The following BCAS3 variants were observed in gnomAD, a reference collection of about 807,000 sequenced individuals.
BCAS3 encodes BCAS4/BCAS3 fusion.
Under a neutral mutation model 116.1 loss-of-function variants are expected in BCAS3, and 53 were observed. The ratio of observed to expected loss-of-function variants is 0.46; its 90% CI spans 0.37 to 0.57. The LOEUF is 0.57. Among genes scored for constraint, BCAS3 ranks in the 20% least tolerant of loss-of-function variants. The pLI, the probability that BCAS3 is intolerant of heterozygous loss-of-function variation, is 0.00. For synonymous variants in BCAS3, 391 were observed against 408.2 expected (o/e 0.96, Z 0.51); for missense variants, 917 against 1,165.4 (o/e 0.79, Z 3.10).
At position 61,216,349 on chromosome 17, in the gene BCAS3, T is replaced by C. The variant is rs368566635; in HGVS notation, c.2425+131785T>C. On this transcript the variant is annotated intron_variant, in intron 22 of 23. Coordinates refer to ENST00000407086, the MANE Select transcript of BCAS3 (RefSeq NM_017679.5). ...CATTTTGTCAGATTTTTCTTAAGTC[T>C]ACAAGGTACTGAAGGGGAAGCTTTT... Among the ~76,000 whole-genome samples, 8 of 152,248 alleles carry C rather than the reference T, an allele frequency of 5.3e-5. No homozygotes were observed. The East Asian group carries it at 1.5e-3, about 29-fold the overall frequency.
rs560547168 is a variant in BCAS3, at chr17:61,328,079, T to C, written c.2426-40248T>C. ...TGTTGTAACGGCAAAGGAAAAAAAA[T>C]GAAATAATTTAATTATTGGTCTGCA... On this transcript the variant is annotated intron_variant, in intron 22 of 23. Transcript: ENST00000407086. Among the ~76,000 whole-genome samples, 4 of 151,856 alleles carry C rather than the reference T, an allele frequency of 2.6e-5. No individual in the cohort carries two copies. In the East Asian group the frequency reaches 5.8e-4, roughly 22 times the overall value.
intron 22 of BCAS3, among the ~76,000 whole-genome samples, chr17:61,094,768 C>T (rs144903754): frequency 2.0e-5 from 3 of 152,006 alleles, no homozygotes; most frequent in Admixed American, 2.0e-4. Context: ...CGCTTGAACC[C>T]GGGAGGCAGA....
intron 10 of BCAS3, among the ~76,000 whole-genome samples, chr17:60,890,650 C>G (rs1028709494): frequency 6.6e-6 from 1 of 151,994 alleles, no homozygotes; most frequent in African/African-American, 2.4e-5. Flanking sequence ...AGGAATTTTA[C>G]TTATGTCTGA....
In BCAS3 at chr17:60,819,273, A is replaced by G. The variant is rs367991691; in HGVS notation, c.476+11197A>G. Among the ~76,000 whole-genome samples, 184 of 152,314 alleles carry G rather than the reference A, an allele frequency of 1.2e-3. 1 individual carries two copies. The South Asian group carries it at 0.015, about 13-fold the overall frequency. Reference sequence around the variant, plus strand: ...ACACACCTGACTGACACTTAATACAATTTTAAAACACATGCTGAACAAATC... The same window carrying G: ...ACACACCTGACTGACACTTAATACAGTTTTAAAACACATGCTGAACAAATC... On this transcript the variant is annotated intron_variant, in intron 7 of 23. Transcript: ENST00000407086.
rs9905761 is a variant in BCAS3, at chr17:61,161,898, T to G, written c.2425+77334T>G. On this transcript the variant is annotated intron_variant, in intron 22 of 23. Transcript: ENST00000407086. The surrounding 1 kb of genome is among the most constrained non-coding windows in gnomAD (Gnocchi z 4.8). ...CTGGACAAAGATGAGCAGCACGGAT[T>G]TGCTGCGATGGTCAGAATTCAATTA... Among the ~76,000 whole-genome samples the G allele has an allele frequency of 1.2e-4, 18 of 152,118 alleles. No individual in the cohort carries two copies. The highest frequency in any genetic ancestry group is 3.9e-4 in the African/African-American group (16 of 41,460).
chr17:61,240,377 A>C (rs2047405308), intron 22 of BCAS3, among the ~76,000 whole-genome samples: 1 of 152,192 alleles, frequency 6.6e-6, no homozygotes, highest in Non-Finnish European at 1.5e-5. Context: ...GGGGCCAAGC[A>C]CAGTGGGTCA....
chr17:61,339,744 C>A lies in BCAS3; in HGVS notation c.2426-28583C>A, dbSNP rs375531007. On this transcript the variant is annotated intron_variant, in intron 22 of 23. Transcript: ENST00000407086. The surrounding 1 kb of genome is among the most constrained non-coding windows in gnomAD (Gnocchi z 4.4). ...TCGCGCCACTGTACTCCAGTCGGGG[C>A]GACAAAGCGAGACCCCATCTAAAAA... Among the ~76,000 whole-genome samples the A allele has an allele frequency of 2.7e-5, 4 of 146,364 alleles. No individual in the cohort carries two copies. Among genetic ancestry groups the A allele is most frequent in the African/African-American group, 1.0e-4 (4 of 39,204 alleles).
chr17:60,891,743 TC>T (rs374017492), intron 10 of BCAS3: 34 of 455,986 alleles, frequency 7.5e-5, no homozygotes, highest in Non-Finnish European at 1.5e-4. Flanking sequence ...TTCTAGTGTA[TC>T]CATCATCCAG....
intron 22 of BCAS3, among the ~76,000 whole-genome samples, chr17:61,148,149 T>C (rs2077346901): frequency 6.6e-6 from 1 of 152,158 alleles, no homozygotes; most frequent in Non-Finnish European, 1.5e-5. Context: ...ACTGTGTGTG[T>C]GTGTAATTTA....
chr17:60,958,556 T>C (rs891471528), intron 14 of BCAS3, among the ~76,000 whole-genome samples: 4 of 152,196 alleles, frequency 2.6e-5, no homozygotes, highest in Non-Finnish European at 4.4e-5. Context: ...CCTAAATAAA[T>C]GGAGAATTAA....
chr17:61,001,796 C>T (rs1014681838), intron 15 of BCAS3, among the ~76,000 whole-genome samples: 5 of 152,166 alleles, frequency 3.3e-5, no homozygotes, highest in African/African-American at 1.2e-4. Context: ...TTTGTTTTCT[C>T]AAATTCTTTT....
chr17:60,869,244 T>G (rs1382169924), intron 8 of BCAS3, among the ~76,000 whole-genome samples: 1 of 152,232 alleles, frequency 6.6e-6, no homozygotes, highest in Non-Finnish European at 1.5e-5. Context: ...CTATGTGACC[T>G]CTACTGCTAA....
In BCAS3 at chr17:61,217,515, A is replaced by T. The variant is rs1229609392; in HGVS notation, c.2425+132951A>T. On this transcript the variant is annotated intron_variant, in intron 22 of 23. Coordinates refer to ENST00000407086, the MANE Select transcript of BCAS3 (RefSeq NM_017679.5). The surrounding 1 kb of genome is among the most constrained non-coding windows in gnomAD (Gnocchi z 5.2). ...TGTAAATTATAGGAAATCTTTCTTG[A>T]ACAAGATAAACAGGAACTAAGAGCA... Among the ~76,000 whole-genome samples, 2 of 152,170 alleles carry T rather than the reference A, an allele frequency of 1.3e-5. No individual in the cohort carries two copies. The highest frequency in any genetic ancestry group is 2.9e-5 in the Non-Finnish European group (2 of 68,040).
rs550132169 is a variant in BCAS3 at position 61,281,931 on chromosome 17, A to G, written c.2426-86396A>G. Among the ~76,000 whole-genome samples the G allele has an allele frequency of 3.3e-5, 5 of 152,270 alleles. No individual in the cohort carries two copies. Among genetic ancestry groups the G allele is most frequent in the Admixed American group, 3.3e-4 (5 of 15,286 alleles). On this transcript the variant is annotated intron_variant, in intron 22 of 23. Coordinates refer to ENST00000407086, the MANE Select transcript of BCAS3 (RefSeq NM_017679.5). This position sits in a 1 kb window ranked among gnomAD's most constrained non-coding sequence, Gnocchi z 4.2. The stretch of plus-strand genomic sequence containing the variant: ...TCCTTTTTACAAGACTGTTGTGCAC[A>G]TAATAGATGTTCAAGACTTTTTTCT...
At chr17:61,370,038 C>T (rs2058966008) in intron 23 of BCAS3, among the ~76,000 whole-genome samples, 1 of 152,200 alleles carries the variant, frequency 6.6e-6, no homozygotes, top group African/African-American at 2.4e-5. Context: ...ATCTCACTGT[C>T]ATCCGGCAAG....
In BCAS3 at chr17:60,975,094, C is replaced by T. The variant is rs573566507; in HGVS notation, c.1222-14877C>T. Among the ~76,000 whole-genome samples the T allele has an allele frequency of 2.0e-3, 301 of 151,342 alleles. 2 individuals are homozygous for T. Among genetic ancestry groups the T allele is most frequent in the African/African-American group, 6.9e-3 (282 of 41,102 alleles). On this transcript the variant is annotated intron_variant, in intron 14 of 23. Coordinates refer to ENST00000407086, the MANE Select transcript of BCAS3 (RefSeq NM_017679.5). The stretch of plus-strand genomic sequence containing the variant: ...TCGGCTCACTGCAAGCTCCGCCTCC[C>T]GGGTTCACGCCATTCTCCTGCCTCA...
At position 61,281,246 on chromosome 17, in the gene BCAS3, T is replaced by A. The variant is rs2051218693; in HGVS notation, c.2426-87081T>A. On this transcript the variant is annotated intron_variant, in intron 22 of 23. Coordinates refer to ENST00000407086, the MANE Select transcript of BCAS3 (RefSeq NM_017679.5). The surrounding 1 kb of genome is among the most constrained non-coding windows in gnomAD (Gnocchi z 4.2). ...TTCACAATGCCTATTGTTGGATGTA[T>A]AGATGGTCTTCAATCTTTTGTCATT... is the stretch of plus-strand genomic sequence containing the variant. 6.6e-6 allele frequency among the ~76,000 whole-genome samples: 1 copy of A among 152,280 alleles called. No homozygotes were observed. The highest frequency in any genetic ancestry group is 6.5e-5 in the Admixed American group (1 of 15,290).
rs1173319295 is a variant in BCAS3 at position 61,032,643 on chromosome 17, GGC to G, written c.1638-2022_1638-2021del. 6.6e-6 allele frequency among the ~76,000 whole-genome samples: 1 copy of G among 152,108 alleles called. No individual in the cohort carries two copies. The highest frequency in any genetic ancestry group is 1.5e-5 in the Non-Finnish European group (1 of 67,998). On this transcript the variant is annotated intron_variant, in intron 16 of 23. Coordinates refer to ENST00000407086, the MANE Select transcript of BCAS3 (RefSeq NM_017679.5). The surrounding 1 kb of genome is among the most constrained non-coding windows in gnomAD (Gnocchi z 4.6). Reference sequence around the variant, plus strand: ...AAGGTGCATATTTGTTCAGGTATAGGGCAGAGAAGAGTCTTCCTTTCTGGAGG... The same window carrying G: ...AAGGTGCATATTTGTTCAGGTATAGGAGAGAAGAGTCTTCCTTTCTGGAGG...
chr17:60,689,786 C>T (rs368323517), intron 4 of BCAS3, 25 bp downstream of exon 4: 43 of 1,494,688 alleles, frequency 2.9e-5, no homozygotes, highest in African/African-American at 1.2e-4. Flanking sequence ...TTTTTTGGGA[C>T]GTGTGAATTA....
Sources: gnomAD v4.1 joint callset for allele counts (sites outside exome capture counted in the v4.1 genomes callset) on GRCh38, gnomAD v4.1.1 for gene constraint, Gnocchi (gnomAD v3.1) non-coding constraint, MANE v1.5 for transcripts, NCBI Gene and HGNC (gene_info 2026-07-23, HGNC 2026-07-21) for gene names.